CTNNA2: variants seen among roughly 807,000 people sequenced by gnomAD.
CTNNA2 encodes catenin alpha-2.
In CTNNA2, 42 loss-of-function variants were observed where a neutral mutation model predicts 101.0. The observed-to-expected ratio is 0.42, with a 90% CI of 0.32 to 0.54. The LOEUF is 0.54. CTNNA2 is among the 20% of genes least tolerant of loss of function. CTNNA2 has a pLI of 0.14. For synonymous variants in CTNNA2, 450 were observed against 456.4 expected (o/e 0.99, Z 0.18); for missense variants, 871 against 1,223.1 (o/e 0.71, Z 4.29).
At chr2:79,233,638 T>G (rs1341945753) in intron 2 of CTNNA2, among the ~76,000 whole-genome samples, 1 of 152,194 alleles carries the variant, frequency 6.6e-6, no homozygotes, top group African/African-American at 2.4e-5. Flanking sequence ...TGTCTAATGC[T>G]GTTAGTGTGG....
rs145873365 is a variant in CTNNA2 at position 80,319,531 on chromosome 2, A to G, written c.1057-73680A>G. ...ATACCACTCAGGATATTATTCAACC[A>G]ACATGGAGAACAAAGTACTGTTTAC... is the stretch of plus-strand genomic sequence containing the variant. On this transcript the variant is annotated intron_variant, in intron 7 of 18. Transcript: ENST00000402739. Among the ~76,000 whole-genome samples the G allele has an allele frequency of 3.2e-3, 488 of 152,330 alleles. 4 individuals are homozygous for G. The highest frequency in any genetic ancestry group is 0.011 in the African/African-American group (473 of 41,572).
At chr2:79,492,818 A>G (rs1170585708) in intron 4 of CTNNA2, among the ~76,000 whole-genome samples, 1 of 152,208 alleles carries the variant, frequency 6.6e-6, no homozygotes, top group Non-Finnish European at 1.5e-5. Context: ...TCGCCAAAAT[A>G]CTGGAAAAAT....
chr2:79,954,543 T>G (rs575093715), intron 7 of CTNNA2, among the ~76,000 whole-genome samples: 1 of 152,320 alleles, frequency 6.6e-6, no homozygotes, highest in Non-Finnish European at 1.5e-5. Flanking sequence ...TACGTATAAT[T>G]TTTGGCTGCA....
At chr2:79,412,125 A>G (rs1002341464) in intron 4 of CTNNA2, among the ~76,000 whole-genome samples, 2 of 152,152 alleles carry the variant, frequency 1.3e-5, no homozygotes, top group African/African-American at 2.4e-5. Context: ...CTTTAAACCA[A>G]CAAAGATCAA....
intron 4 of CTNNA2, among the ~76,000 whole-genome samples, chr2:79,491,663 C>A (rs1045922975): frequency 1.3e-5 from 2 of 152,008 alleles, no homozygotes; most frequent in Non-Finnish European, 1.5e-5. Context: ...GAAATCTGGA[C>A]CTATTACTAG....
chr2:80,249,590 A>G (rs892472451), intron 7 of CTNNA2, among the ~76,000 whole-genome samples: 1 of 152,234 alleles, frequency 6.6e-6, no homozygotes, highest in African/African-American at 2.4e-5. Flanking sequence ...AAAAAGAAGA[A>G]GACATTGAGG....
intron 2 of CTNNA2, among the ~76,000 whole-genome samples, chr2:79,222,200 A>C (rs956076224): frequency 6.6e-6 from 1 of 152,252 alleles, no homozygotes; most frequent in Admixed American, 6.5e-5. Context: ...GGCAGGCGAT[A>C]TAAAGGCTTC....
At position 80,302,050 on chromosome 2, in the gene CTNNA2, T is replaced by A. The variant is rs1335726312; in HGVS notation, c.1057-91161T>A. ...CTGTCCTGAAGGTTGTGGGGTGGGG[T>A]TTTTTGTTGTGTTTTAATTCGCTTT... On this transcript the variant is annotated intron_variant, in intron 7 of 18. Transcript: ENST00000402739. The surrounding 1 kb of genome is among the most constrained non-coding windows in gnomAD (Gnocchi z 6.4). 1.6e-6 allele frequency: 1 copy of A among 640,140 alleles called. No individual in the cohort carries two copies. The highest frequency in any genetic ancestry group is 3.3e-5 in the Admixed American group (1 of 30,096). 39.7% of individuals were successfully genotyped at this position (640,140 alleles called of 1,614,324 possible).
intron 1 of CTNNA2, among the ~76,000 whole-genome samples, chr2:79,553,328 T>G (rs1674232024): frequency 6.6e-6 from 1 of 152,202 alleles, no homozygotes; most frequent in African/African-American, 2.4e-5. Flanking sequence ...TGTTCACATC[T>G]TCCTGTCTTC....
intron 4 of CTNNA2, among the ~76,000 whole-genome samples, chr2:79,474,038 CAT>C (rs1287692105): frequency 6.6e-6 from 1 of 152,096 alleles, no homozygotes; most frequent in Non-Finnish European, 1.5e-5. Flanking sequence ...AAACTACCCA[CAT>C]GTGTCTAGTG....
rs558938032 is a variant in CTNNA2 at position 79,196,383 on chromosome 2, A to G, written c.-523-1576A>G. 1.4e-4 allele frequency among the ~76,000 whole-genome samples: 21 copies of G among 152,230 alleles called. No individual in the cohort carries two copies. In the South Asian group the frequency reaches 1.7e-3, roughly 12 times the overall value. ...CCCAACCTGCCATTGAAAAAAATCA[A>G]TTTTGCTCATTTGCAAGTCATATTG... is the stretch of plus-strand genomic sequence containing the variant. On this transcript the variant is annotated intron_variant, in intron 1 of 21. Transcript: ENST00000466387.
At chr2:79,834,065 T>G (rs959193314) in intron 3 of CTNNA2, among the ~76,000 whole-genome samples, 12 of 152,186 alleles carry the variant, frequency 7.9e-5, no homozygotes, top group African/African-American at 2.9e-4. Context: ...CTAAACAATT[T>G]CTGCTGCACA....
chr2:80,084,453 C>T (rs1699323424), intron 7 of CTNNA2, among the ~76,000 whole-genome samples: 1 of 152,090 alleles, frequency 6.6e-6, no homozygotes, highest in Non-Finnish European at 1.5e-5. Flanking sequence ...CCAAATCTCT[C>T]TTTTAGGATG....
intron 9 of CTNNA2, among the ~76,000 whole-genome samples, chr2:80,521,367 G>A (rs1389097100): frequency 6.6e-6 from 1 of 152,196 alleles, no homozygotes; most frequent in Non-Finnish European, 1.5e-5. Flanking sequence ...GGAACTCTAT[G>A]TAGAATCATT....
At chr2:79,748,505 T>C (rs1671790253) in intron 3 of CTNNA2, among the ~76,000 whole-genome samples, 1 of 152,186 alleles carries the variant, frequency 6.6e-6, no homozygotes, top group Admixed American at 6.5e-5. Context: ...GCATTGTTTT[T>C]GTTTTTATTA....
intron 3 of CTNNA2, among the ~76,000 whole-genome samples, chr2:79,354,284 T>G (rs1290516978): frequency 6.6e-6 from 1 of 152,206 alleles, no homozygotes; most frequent in Non-Finnish European, 1.5e-5. Context: ...AACTTGCTTA[T>G]TCTCTCTCCA....
chr2:79,592,739 G>T lies in CTNNA2; in HGVS notation c.-5-58813G>T, dbSNP rs190834495. On this transcript the variant is annotated intron_variant, in intron 1 of 18. Coordinates refer to ENST00000402739, the MANE Select transcript of CTNNA2 (RefSeq NM_001282597.3). ...AAAAACATATTTTCTACAGTGCCCA[G>T]TCCTCTGCTGGCCCTTAGGAGATAA... 2.9e-4 allele frequency among the ~76,000 whole-genome samples: 44 copies of T among 152,266 alleles called. No homozygotes were observed. The South Asian group carries it at 3.9e-3, about 14-fold the overall frequency.
Position 80,598,431 on chromosome 2 carries a change from A to G in CTNNA2, c.2190-5643A>G, listed in dbSNP as rs543422621. ...ACATATAAAGCTATGTAACCTGTAC[A>G]TTCTGCACACATAGCGTAGAACTTA... On this transcript the variant is annotated intron_variant, in intron 15 of 18. Transcript: ENST00000402739. Among the ~76,000 whole-genome samples the G allele has an allele frequency of 2.6e-5, 4 of 152,220 alleles. No homozygotes were observed. In the South Asian group the frequency reaches 8.3e-4, roughly 32 times the overall value.
At chr2:80,187,155 T>C (rs1371913192) in intron 7 of CTNNA2, among the ~76,000 whole-genome samples, 3 of 152,230 alleles carry the variant, frequency 2.0e-5, no homozygotes, top group Admixed American at 6.5e-5. Flanking sequence ...ATATCTCATA[T>C]GGTCCAATGC....
Sources: allele counts gnomAD v4.1 joint callset (sites outside exome capture counted in the v4.1 genomes callset), GRCh38; gene constraint gnomAD v4.1.1; non-coding constraint Gnocchi (gnomAD v3.1); transcripts MANE v1.5; gene names NCBI Gene and HGNC (gene_info 2026-07-23, HGNC 2026-07-21).